FGF14: variants seen among roughly 807,000 people sequenced by gnomAD.
FGF14 encodes the protein fibroblast growth factor homologous factor 4.
In FGF14, 5 loss-of-function variants were observed where a neutral mutation model predicts 25.5. That is an observed-to-expected ratio of 0.20 (90% CI 0.10 to 0.41). The LOEUF is 0.41. FGF14 is among the 10% of genes least tolerant of loss of function. The pLI is 1.00. For missense variants in FGF14, 222 were observed against 320.1 expected (o/e 0.69, Z 2.34); for synonymous variants, 138 against 118.3 (o/e 1.17, Z -1.08).
rs116826669 is a variant in FGF14 at position 101,866,181 on chromosome 13, T to C, written c.408+2544A>G. ...AAATCTTTAAAGGAAACAGATTATG[T>C]TTGAAATTATACTTCTCAATAATTG... On this transcript the variant is annotated intron_variant, in intron 3 of 4. Transcript: ENST00000376143. Among the ~76,000 whole-genome samples, 722 of 152,268 alleles carry C rather than the reference T, an allele frequency of 4.7e-3. 5 individuals are homozygous for C. The highest frequency in any genetic ancestry group is 0.017 in the African/African-American group (690 of 41,572).
intron 3 of FGF14, among the ~76,000 whole-genome samples, chr13:101,749,657 A>G (rs1278697487): frequency 6.6e-6 from 1 of 152,120 alleles, no homozygotes; most frequent in Admixed American, 6.6e-5. Context: ...ATATAAATCT[A>G]TATAAAGATT....
intron 1 of FGF14, among the ~76,000 whole-genome samples, chr13:102,132,786 T>G (rs989316452): frequency 1.3e-5 from 2 of 152,084 alleles, no homozygotes; most frequent in Admixed American, 6.6e-5. Context: ...CTCCCAAAGT[T>G]CTGGGATTAC....
At chr13:101,875,711 CTTAAG>C (rs1459321143) in intron 1 of FGF14, among the ~76,000 whole-genome samples, 51 of 152,004 alleles carry the variant, frequency 3.4e-4, no homozygotes, top group African/African-American at 1.1e-3. Flanking sequence ...TCTCCTTTTA[CTTAAG>C]TTGACAAGTA....
At chr13:101,887,302 T>C (rs1048427061) in intron 1 of FGF14, among the ~76,000 whole-genome samples, 1 of 150,242 alleles carries the variant, frequency 6.7e-6, no homozygotes, top group African/African-American at 2.5e-5. Context: ...GAAAATGTGA[T>C]GTAAATATAT....
chr13:101,993,880 C>T (rs921995987), intron 1 of FGF14, among the ~76,000 whole-genome samples: 2 of 151,668 alleles, frequency 1.3e-5, no homozygotes, highest in African/African-American at 2.4e-5. Flanking sequence ...TGTAACAAAC[C>T]TGCACATTGT....
intron 1 of FGF14, among the ~76,000 whole-genome samples, chr13:101,913,652 G>T (rs1024335665): frequency 6.6e-6 from 1 of 151,584 alleles, no homozygotes; most frequent in Non-Finnish European, 1.5e-5. Context: ...TCTCCCAATG[G>T]GACAATATTT....
At chr13:101,993,717 A>G (rs2039029139) in intron 1 of FGF14, among the ~76,000 whole-genome samples, 1 of 152,038 alleles carries the variant, frequency 6.6e-6, no homozygotes, top group African/African-American at 2.4e-5. Flanking sequence ...TGATAATCTC[A>G]GAGAAAAGAG....
intron 1 of FGF14, among the ~76,000 whole-genome samples, chr13:101,964,959 T>C (rs575271235): frequency 3.2e-4 from 49 of 152,258 alleles, no homozygotes; most frequent in Non-Finnish European, 5.6e-4. Context: ...TTCTCTTTTA[T>C]GGCCAGGCAT....
At chr13:101,733,379 G>C (rs1194956349) in intron 3 of FGF14, among the ~76,000 whole-genome samples, 1 of 152,010 alleles carries the variant, frequency 6.6e-6, no homozygotes, top group African/African-American at 2.4e-5. Flanking sequence ...AGGCGATCAT[G>C]AGGTCAAAAG....
chr13:101,910,073 T>C (rs1402823567), intron 1 of FGF14, among the ~76,000 whole-genome samples: 1 of 147,582 alleles, frequency 6.8e-6, no homozygotes, highest in African/African-American at 2.5e-5. Context: ...AAGGGGAACA[T>C]CACACACGAG....
Position 102,143,737 on chromosome 13 carries a change from G to A in FGF14, c.208+257734C>T, listed in dbSNP as rs1335296545. 2.0e-5 allele frequency among the ~76,000 whole-genome samples: 3 copies of A among 152,148 alleles called. No homozygotes were observed. The South Asian group carries it at 6.2e-4, about 31-fold the overall frequency. On this transcript the variant is annotated intron_variant, in intron 1 of 4. Transcript: ENST00000376131. ...ATTAATTTAACCCCGAAGACACTAT[G>A]TTTCAGACCTCTATCTAAAATACAT...
intron 1 of FGF14, among the ~76,000 whole-genome samples, chr13:102,211,202 T>C (rs2050143919): frequency 6.6e-6 from 1 of 152,086 alleles, no homozygotes; most frequent in Non-Finnish European, 1.5e-5. Context: ...CAAAATAACT[T>C]TACAGGAAGG....
Position 101,711,826 on chromosome 13 carries a change from A to C in FGF14, c.*11005T>G, listed in dbSNP as rs575918283. The stretch of plus-strand genomic sequence containing the variant: ...AACATTCTCAAGGGTCCTTATATTG[A>C]GAAAGAAAATGAATGGATTAGTGGT... On this transcript the variant is annotated 3_prime_UTR_variant, in exon 5 of 5. Coordinates refer to ENST00000376143, the MANE Select transcript of FGF14 (RefSeq NM_004115.4). 6.6e-6 allele frequency: 1 copy of C among 152,314 alleles called. No homozygotes were observed. Among genetic ancestry groups the C allele is most frequent in the South Asian group, 2.1e-4 (1 of 4,822 alleles). The allele number at this position is 152,314 out of a possible 1,614,324, so 9.4% of individuals were successfully genotyped here.
At chr13:102,026,350 C>A (rs1331991684) in intron 1 of FGF14, among the ~76,000 whole-genome samples, 1 of 151,574 alleles carries the variant, frequency 6.6e-6, no homozygotes, top group African/African-American at 2.4e-5. Context: ...TTTTATATTT[C>A]ATTAAAATTT....
At chr13:102,284,535 A>T (rs1207587440) in intron 1 of FGF14, among the ~76,000 whole-genome samples, 1 of 152,202 alleles carries the variant, frequency 6.6e-6, no homozygotes, top group Non-Finnish European at 1.5e-5. Flanking sequence ...TTTAAAAATA[A>T]TGAAATTGGT....
At chr13:101,879,833 T>A (rs991142834) in intron 1 of FGF14, among the ~76,000 whole-genome samples, 2 of 152,166 alleles carry the variant, frequency 1.3e-5, no homozygotes, top group African/African-American at 4.8e-5. Context: ...GCAGATCTAA[T>A]TAGATTTTGG....
At chr13:101,817,986 ACTCT>A (rs1373009443) in intron 3 of FGF14, among the ~76,000 whole-genome samples, 1 of 152,104 alleles carries the variant, frequency 6.6e-6, no homozygotes, top group African/African-American at 2.4e-5. Context: ...ATTTTTCTTC[ACTCT>A]CTCAGTTATT....
At chr13:101,994,055 A>C (rs2039050481) in intron 1 of FGF14, among the ~76,000 whole-genome samples, 1 of 152,082 alleles carries the variant, frequency 6.6e-6, no homozygotes, top group Non-Finnish European at 1.5e-5. Flanking sequence ...CATGGGATTA[A>C]GACTTTATTC....
chr13:101,884,230 T>G (rs2045877878), intron 1 of FGF14, among the ~76,000 whole-genome samples: 1 of 151,970 alleles, frequency 6.6e-6, no homozygotes, highest in African/African-American at 2.4e-5. Flanking sequence ...TAGGTGGACA[T>G]CCCAGTGTTC....
Sources: allele counts gnomAD v4.1 joint callset (sites outside exome capture counted in the v4.1 genomes callset), GRCh38; gene constraint gnomAD v4.1.1; transcripts MANE v1.5; gene names NCBI Gene and HGNC (gene_info 2026-07-23, HGNC 2026-07-21).